Variants in ALDH2 observed in about 807,000 individuals in gnomAD.
ALDH2 encodes aldehyde dehydrogenase 2 family member.
A neutral mutation model predicts 59.6 loss-of-function variants in ALDH2; 44 were observed. The ratio of observed to expected loss-of-function variants is 0.74; its 90% CI spans 0.58 to 0.95. The LOEUF (loss-of-function observed/expected upper bound fraction) is 0.95, where lower values mean the gene tolerates loss of function less well. Ranked by LOEUF, ALDH2 falls within the 40% of genes least tolerant of loss-of-function variation. The pLI is 0.00. For synonymous variants in ALDH2, 291 were observed against 284.0 expected, an observed-to-expected ratio of 1.02 and a Z score of -0.25; for missense variants, 570 against 696.3, an observed-to-expected ratio of 0.82 and a Z score of 2.04.
intron 4 of ALDH2, among the ~76,000 whole-genome samples, chr12:111,788,167 G>A (rs951260836): frequency 2.0e-5 from 3 of 152,038 alleles, no homozygotes; most frequent in Non-Finnish European, 4.4e-5. Flanking sequence ...CTGAGATCGC[G>A]CCACTGCACT....
chr12:111,772,673 G>GT (rs1566180399), intron 1 of ALDH2, among the ~76,000 whole-genome samples: 12 of 125,332 alleles, frequency 9.6e-5, no homozygotes, highest in East Asian at 7.6e-4. Flanking sequence ...TTTTTTTTTT[G>GT]GTTTTTTTTT....
rs547409546 is a variant in ALDH2, at chr12:111,808,280, G to A, written c.1522-1263G>A. Among the ~76,000 whole-genome samples, 22 of 152,324 alleles carry A rather than the reference G, an allele frequency of 1.4e-4. No individual in the cohort carries two copies. The South Asian group carries it at 4.6e-3, about 32-fold the overall frequency. ...GAATGGGTAGTGGCTGCTCATGGGTGCAAGATTGCTTTTGGAGATGATGCA... is the reference window on the plus strand; with the variant it reads ...GAATGGGTAGTGGCTGCTCATGGGTACAAGATTGCTTTTGGAGATGATGCA... On this transcript the variant is annotated intron_variant, in intron 12 of 12. Transcript: ENST00000261733.
Position 111,816,914 on chromosome 12 carries a change from C to T in ALDH2, c.*7339C>T, listed in dbSNP as rs906781138. 3 of 152,154 alleles carry T rather than the reference C, an allele frequency of 2.0e-5. No homozygotes were observed. The highest frequency in any genetic ancestry group is 4.4e-5 in the Non-Finnish European group (3 of 68,028). 9.4% of individuals were successfully genotyped at this position (152,154 alleles called of 1,614,324 possible). On this transcript the variant is annotated 3_prime_UTR_variant, in exon 13 of 13. Transcript: ENST00000261733. ...AGGTGATGTTGGATGTGCAAGCTCC[C>T]TGCAAATGGGCTTTCACAAGGTCCC...
In ALDH2 at chr12:111,767,020, G is replaced by T; in HGVS notation, c.38G>T (p.Gly13Val). ...GCCGCCCGCTTCGGGCCCCGCCTGG[G>T]CCGCCGCCTCTTGTCAGCCGCCGCC... ...RAAARFGPRL[G>V]RRLLSAAATQ... is the part of the protein sequence containing the mutation. The change falls in exon 1 of 13, where the codon GGC becomes GTC. Residue 13 changes from glycine to valine, a missense_variant. By Grantham distance (109) the Gly-to-Val change is moderately radical (BLOSUM62 -3). Transcript: ENST00000261733. 1.3e-6 allele frequency: 2 copies of T among 1,524,488 alleles called. No homozygotes were observed. Among genetic ancestry groups the T allele is most frequent in the South Asian group, 1.2e-5 (1 of 82,972 alleles). 94.4% of individuals were successfully genotyped at this position (1,524,488 alleles called of 1,614,324 possible). A position where few individuals can be genotyped will look rare whatever the true frequency, so the allele number is the denominator to read the frequency against.
At chr12:111,804,401 G>A (rs2158029) in intron 12 of ALDH2, among the ~76,000 whole-genome samples, 10,744 of 152,236 alleles carry the variant, frequency 0.071, 1,475 homozygotes, top group East Asian at 0.61. Flanking sequence ...TCAGGGGGCG[G>A]AGCGGAGAGG....
Position 111,798,151 on chromosome 12 carries a change from G to A in ALDH2, c.1157G>A (p.Cys386Tyr). The A allele has an allele frequency of 1.2e-6, 2 of 1,613,560 alleles. No individual in the cohort carries two copies. The highest frequency in any genetic ancestry group is 2.7e-5 in the African/African-American group (2 of 75,054). Residue 386 changes from cysteine (C) to tyrosine (Y), a missense_variant, in exon 10 of 13, where the codon TGT becomes TAT. Coordinates refer to ENST00000261733, the MANE Select transcript of ALDH2 (RefSeq NM_000690.4). ...TGKQEGAKLL[C>Y]GGGIAADRGY... ...AAGCAAGAGGGGGCGAAGCTGCTGT[G>A]TGGTGGGGGCATTGCTGCTGACCGT...
chr12:111,814,835 A>C lies in ALDH2; in HGVS notation c.*5260A>C, dbSNP rs199720093. ...GGGTGACACAGAGAGACTCTGTCTC[A>C]AAAAAAAAAAAAAAAAAGTAAATGC... On this transcript the variant is annotated 3_prime_UTR_variant, in exon 13 of 13. Transcript: ENST00000261733. The C allele has an allele frequency of 4.9e-5, 6 of 121,906 alleles. No individual in the cohort carries two copies. In the South Asian group the frequency reaches 1.1e-3, roughly 23 times the overall value. 7.6% of individuals were successfully genotyped at this position (121,906 alleles called of 1,614,324 possible).
At chr12:111,802,597 A>G (rs1218259679) in intron 11 of ALDH2, among the ~76,000 whole-genome samples, 1 of 148,738 alleles carries the variant, frequency 6.7e-6, no homozygotes, top group Non-Finnish European at 1.5e-5. Flanking sequence ...GAAAAGAAAA[A>G]GGGCAGGGCG....
chr12:111,809,462 A>G, intron 12 of ALDH2, 81 bp from the exon 13 acceptor site: 1 of 1,511,208 alleles, frequency 6.6e-7, no homozygotes, highest in Non-Finnish European at 9.2e-7. Flanking sequence ...TTCTGCTCAC[A>G]CTTAGTCAGC....
In ALDH2 at chr12:111,815,837, G is replaced by A. The variant is rs536454863; in HGVS notation, c.*6262G>A. Reference sequence around the variant, plus strand: ...AGATGGAGTCTTGCTATGTTGCTCAGGCTGGTCTCGAACTCCTGGCCTCAA... The same window carrying A: ...AGATGGAGTCTTGCTATGTTGCTCAAGCTGGTCTCGAACTCCTGGCCTCAA... On this transcript the variant is annotated 3_prime_UTR_variant, in exon 13 of 13. Coordinates refer to ENST00000261733, the MANE Select transcript of ALDH2 (RefSeq NM_000690.4). 9.3e-5 allele frequency: 14 copies of A among 150,646 alleles called. No individual in the cohort carries two copies. In the East Asian group the frequency reaches 2.8e-3, roughly 30 times the overall value. 9.3% of individuals were successfully genotyped at this position (150,646 alleles called of 1,614,324 possible).
chr12:111,807,063 C>G (rs559419923), intron 12 of ALDH2, among the ~76,000 whole-genome samples: 2 of 151,578 alleles, frequency 1.3e-5, no homozygotes, highest in Non-Finnish European at 2.9e-5. Context: ...TCAGAAGATC[C>G]AGACCATCCT....
At chr12:111,803,585 T>G (rs73420492) in intron 11 of ALDH2, among the ~76,000 whole-genome samples, 1 of 151,512 alleles carries the variant, frequency 6.6e-6, no homozygotes, top group Non-Finnish European at 1.5e-5. Context: ...TAAAAAAAAA[T>G]TTATTGCCAG....
chr12:111,775,871 G>A (rs942301647), intron 1 of ALDH2, among the ~76,000 whole-genome samples: 4 of 152,240 alleles, frequency 2.6e-5, no homozygotes, highest in African/African-American at 4.8e-5. Flanking sequence ...GCCCCCCACC[G>A]GGGAGGGAAG....
chr12:111,805,217 T>A (rs908051522), intron 12 of ALDH2, among the ~76,000 whole-genome samples: 1 of 152,080 alleles, frequency 6.6e-6, no homozygotes, highest in Non-Finnish European at 1.5e-5. Flanking sequence ...TACTTATAAA[T>A]ATAAAAAAAG....
chr12:111,801,933 T>G (rs1306920560), intron 11 of ALDH2, among the ~76,000 whole-genome samples: 1 of 152,080 alleles, frequency 6.6e-6, no homozygotes, highest in Non-Finnish European at 1.5e-5. Context: ...GTGAATATGC[T>G]GTCAACCAGT....
rs1489816918 is a variant in ALDH2 at position 111,814,635 on chromosome 12, A to C, written c.*5060A>C. 1 of 151,672 alleles carries C rather than the reference A, an allele frequency of 6.6e-6. No homozygotes were observed. The highest frequency in any genetic ancestry group is 1.9e-4 in the East Asian group (1 of 5,180). 9.4% of individuals were successfully genotyped at this position (151,672 alleles called of 1,614,324 possible). The stretch of plus-strand genomic sequence containing the variant: ...TGAGGCGGGTGGATTACCTGAGGCC[A>C]GGAGTTCGAGATCAGCCTGGCCAAC... On this transcript the variant is annotated 3_prime_UTR_variant, in exon 13 of 13. Coordinates refer to ENST00000261733, the MANE Select transcript of ALDH2 (RefSeq NM_000690.4).
intron 11 of ALDH2, among the ~76,000 whole-genome samples, chr12:111,800,820 A>G (rs1019111160): frequency 2.6e-5 from 4 of 152,182 alleles, no homozygotes; most frequent in African/African-American, 7.2e-5. Flanking sequence ...ACTCCTAGGT[A>G]TTTATCCAAG....
At chr12:111,771,126 T>C (rs1224226397) in intron 1 of ALDH2, among the ~76,000 whole-genome samples, 3 of 152,016 alleles carry the variant, frequency 2.0e-5, no homozygotes, top group African/African-American at 7.2e-5. Flanking sequence ...CTAGGTGTGG[T>C]GGCTCACAGC....
intron 3 of ALDH2, among the ~76,000 whole-genome samples, chr12:111,784,840 C>T (rs909668905): frequency 6.6e-6 from 1 of 152,130 alleles, no homozygotes; most frequent in African/African-American, 2.4e-5. Flanking sequence ...TCTCGAACAC[C>T]TGCCTCGGCC....
Sources: allele counts gnomAD v4.1 joint callset (sites outside exome capture counted in the v4.1 genomes callset), GRCh38; gene constraint gnomAD v4.1.1; transcripts MANE v1.5; gene names NCBI Gene and HGNC (gene_info 2026-07-23, HGNC 2026-07-21).